Variants in MARK3 observed in about 807,000 individuals in gnomAD.
The protein encoded by MARK3 is microtubule affinity regulating kinase 3.
MARK3 carries 46 observed loss-of-function variants against 90.1 expected under a neutral mutation model. That is an observed-to-expected ratio of 0.51 (90% CI 0.40 to 0.65). MARK3 has a LOEUF of 0.65. MARK3 is among the 30% of genes least tolerant of loss of function. The probability of loss-of-function intolerance (pLI) is 0.00; values close to 1 mark genes in which losing one functional copy is unlikely to be tolerated. For missense variants in MARK3, 818 were observed against 947.2 expected, an observed-to-expected ratio of 0.86 and a Z score of 1.79; for synonymous variants, 321 against 332.6, an observed-to-expected ratio of 0.97 and a Z score of 0.38.
chr14:103,478,187 C>CGGGAGGCT (rs1353408599), intron 13 of MARK3, among the ~76,000 whole-genome samples: 1 of 150,828 alleles, frequency 6.6e-6, no homozygotes, highest in East Asian at 2.0e-4. Context: ...CCCAGCTACT[C>CGGGAGGCT]GGGAGGCTAA....
intron 3 of MARK3, among the ~76,000 whole-genome samples, chr14:103,442,126 T>C (rs1305171734): frequency 6.6e-6 from 1 of 152,100 alleles, no homozygotes; most frequent in Non-Finnish European, 1.5e-5. Flanking sequence ...CCCAGCACTT[T>C]GGGAGGCTGA....
In MARK3 at chr14:103,475,302, T is replaced by C. The variant is rs1566912372; in HGVS notation, c.1482+92T>C. ...TTCATTTTACTCCTGTGGTCTCTCG[T>C]ACTGGAATGCCCTCTCTACTAGGCA... On this transcript the variant is annotated intron_variant, in intron 13 of 17. Transcript: ENST00000429436. The C allele has an allele frequency of 2.4e-5, 25 of 1,028,068 alleles. No individual in the cohort carries two copies. In the South Asian group the frequency reaches 3.3e-4, roughly 14 times the overall value. The allele number at this position is 1,028,068 out of a possible 1,614,324, so 63.7% of individuals were successfully genotyped here. A position where few individuals can be genotyped will look rare whatever the true frequency, so the allele number is the denominator to read the frequency against.
chr14:103,491,837 C>T lies in MARK3; in HGVS notation c.1647C>T (p.Thr549=). The T allele has an allele frequency of 6.2e-7, 1 of 1,614,140 alleles. No homozygotes were observed. The highest frequency in any genetic ancestry group is 8.5e-7 in the Non-Finnish European group (1 of 1,180,018). ...ASTHSISSAA[T]PDRIRFPRGT... The stretch of plus-strand genomic sequence containing the variant: ...CACACAGTATCAGTAGTGCAGCCAC[C>T]CCAGATCGAATCCGCTTCCCAAGAG... The change falls in exon 15 of 18, where the codon ACC becomes ACT. Residue 549 remains threonine, a synonymous_variant. Coordinates refer to ENST00000429436, the MANE Select transcript of MARK3 (RefSeq NM_001128918.3).
At chr14:103,448,804 T>G in intron 3 of MARK3, 115 bp from the exon 4 acceptor site, 1 of 1,009,682 alleles carries the variant, frequency 9.9e-7, no homozygotes, top group Non-Finnish European at 1.4e-6. Flanking sequence ...TAATAAACAT[T>G]AGCAATGAAT....
intron 3 of MARK3, among the ~76,000 whole-genome samples, chr14:103,431,367 A>C (rs1039206434): frequency 2.8e-4 from 43 of 151,874 alleles, no homozygotes; most frequent in Admixed American, 1.9e-3. Context: ...ACTTGCTGGG[A>C]TTACACGTGT....
intron 2 of MARK3, among the ~76,000 whole-genome samples, chr14:103,407,245 G>A (rs2091355594): frequency 6.6e-6 from 1 of 152,178 alleles, no homozygotes; most frequent in Admixed American, 6.5e-5. Flanking sequence ...AGTAGCAAAT[G>A]TCTGCTACCA....
At chr14:103,499,667 C>T (rs1423805881) in intron 16 of MARK3, 1 of 152,640 alleles carries the variant, frequency 6.6e-6, no homozygotes, top group African/African-American at 2.4e-5. Context: ...TTTAATTGAT[C>T]TTCCCACTTG....
At chr14:103,483,405 A>G (rs1479278075) in intron 14 of MARK3, among the ~76,000 whole-genome samples, 1 of 152,194 alleles carries the variant, frequency 6.6e-6, no homozygotes, top group East Asian at 1.9e-4. Flanking sequence ...TGAAGGTTTA[A>G]ACCAGAGACT....
chr14:103,464,348 G>A (rs182072377), intron 7 of MARK3, among the ~76,000 whole-genome samples: 1 of 127,208 alleles, frequency 7.9e-6, no homozygotes, highest in Non-Finnish European at 1.6e-5. Flanking sequence ...GCCCTGGCTA[G>A]AGTGCAGTGG....
intron 3 of MARK3, among the ~76,000 whole-genome samples, chr14:103,446,295 G>A (rs1391710886): frequency 6.6e-6 from 1 of 152,166 alleles, no homozygotes; most frequent in African/African-American, 2.4e-5. Flanking sequence ...GGAGGCCAAG[G>A]CAGACAAATC....
chr14:103,455,907 C>T (rs554469539), intron 5 of MARK3, among the ~76,000 whole-genome samples: 67 of 152,210 alleles, frequency 4.4e-4, no homozygotes, highest in Admixed American at 7.2e-4. Flanking sequence ...TTTCACTAAG[C>T]TGATGGAGGT....
In MARK3 at chr14:103,466,399, A is replaced by G. The variant is rs762678330; in HGVS notation, c.954A>G (p.Pro318=). The G allele has an allele frequency of 7.4e-6, 12 of 1,613,936 alleles. No individual in the cohort carries two copies. In the Admixed American group the frequency reaches 1.2e-4, roughly 16 times the overall value. ...GGCATGAAGAAGATGAACTCAAACC[A>G]TTTGTTGAACCAGAGCTAGACATCT... The part of the protein sequence containing the change: ...NAGHEEDELK[P]FVEPELDISD... Residue 318 remains proline, a synonymous_variant, in exon 10 of 18, where the codon CCA becomes CCG. Coordinates refer to ENST00000429436, the MANE Select transcript of MARK3 (RefSeq NM_001128918.3).
At chr14:103,480,246 G>A (rs2093796574) in intron 13 of MARK3, 141 bp from the exon 14 acceptor site, 2 of 553,016 alleles carry the variant, frequency 3.6e-6, no homozygotes, top group East Asian at 3.2e-5. Context: ...CTGCACTCCA[G>A]CCTGGGTGAC....
chr14:103,440,319 A>G (rs893540410), intron 3 of MARK3, among the ~76,000 whole-genome samples: 2 of 152,196 alleles, frequency 1.3e-5, no homozygotes, highest in African/African-American at 2.4e-5. Context: ...TTAAATATAT[A>G]TACTTAGAAT....
intron 15 of MARK3, among the ~76,000 whole-genome samples, chr14:103,495,110 C>T (rs959921139): frequency 3.9e-5 from 6 of 152,118 alleles, no homozygotes; most frequent in African/African-American, 1.2e-4. Context: ...AATTTAATCT[C>T]CATAGTCCAC....
chr14:103,478,686 T>C (rs1305920515), intron 13 of MARK3, among the ~76,000 whole-genome samples: 1 of 152,046 alleles, frequency 6.6e-6, no homozygotes, highest in African/African-American at 2.4e-5. Flanking sequence ...ATTACAGGCG[T>C]GCGCCACCAT....
At position 103,470,453 on chromosome 14, in the gene MARK3, C is replaced by CTTTTTTTTTTTTTTTTTTTT. The variant is rs1555396272; in HGVS notation, c.1264+2268_1264+2269insTTTTTTTTTTTTTTTTTTTT. ...CTATTCCAGGATTCAGGAACTAAAT[C>CTTTTTTTTTTTTTTTTTTTT]TATTTTTTTTTTTTTTTTTGAGATG... On this transcript the variant is annotated intron_variant, in intron 12 of 17. Coordinates refer to ENST00000429436, the MANE Select transcript of MARK3 (RefSeq NM_001128918.3). Among the ~76,000 whole-genome samples the CTTTTTTTTTTTTTTTTTTTT allele has an allele frequency of 3.0e-3, 72 of 24,168 alleles. 1 individual carries two copies. The highest frequency in any genetic ancestry group is 6.7e-3 in the South Asian group (2 of 300). 15.9% of individuals were successfully genotyped at this position (24,168 alleles called of 152,430 possible).
chr14:103,411,418 T>G (rs1198115239), intron 2 of MARK3, among the ~76,000 whole-genome samples: 1 of 152,232 alleles, frequency 6.6e-6, no homozygotes, highest in Non-Finnish European at 1.5e-5. Flanking sequence ...TTTTTTCCAC[T>G]TGGATTACAA....
At chr14:103,495,260 A>G (rs529509678) in intron 15 of MARK3, among the ~76,000 whole-genome samples, 1 of 152,160 alleles carries the variant, frequency 6.6e-6, no homozygotes, top group African/African-American at 2.4e-5. Context: ...CAGGTAGATC[A>G]CTCAAGGTCA....
Sources: allele counts gnomAD v4.1 joint callset (sites outside exome capture counted in the v4.1 genomes callset), GRCh38; gene constraint gnomAD v4.1.1; transcripts MANE v1.5; gene names NCBI Gene and HGNC (gene_info 2026-07-23, HGNC 2026-07-21).